Variants in TRIM24 observed in about 807,000 individuals in gnomAD.
The protein encoded by TRIM24 is transcription intermediary factor 1-alpha.
In TRIM24, 29 loss-of-function variants were observed where a neutral mutation model predicts 123.9. The observed-to-expected ratio is 0.23, with a 90% confidence interval of 0.17 to 0.32. The LOEUF is 0.32. Ranked by LOEUF, TRIM24 falls within the 10% of genes least tolerant of loss-of-function variation. TRIM24 has a pLI of 1.00. For synonymous variants in TRIM24, 456 were observed against 461.1 expected (o/e 0.99, Z 0.14); for missense variants, 932 against 1,295.3 (o/e 0.72, Z 4.31).
At chr7:138,515,455 G>T in intron 3 of TRIM24, 96 bp downstream of exon 3, 5 of 1,379,262 alleles carry the variant, frequency 3.6e-6, no homozygotes, top group Non-Finnish European at 4.9e-6. Context: ...GTTTTGATAA[G>T]TATTAAATAT....
intron 7 of TRIM24, among the ~76,000 whole-genome samples, chr7:138,542,916 T>C (rs1797032043): frequency 6.6e-6 from 1 of 152,220 alleles, no homozygotes; most frequent in Non-Finnish European, 1.5e-5. Flanking sequence ...GTCTTATTTT[T>C]TCATTAGTTT....
Position 138,525,354 on chromosome 7 carries a change from A to G in TRIM24, c.878A>G (p.Asn293Ser), listed in dbSNP as rs1348558766. The G allele has an allele frequency of 2.0e-6, 3 of 1,468,756 alleles. No individual in the cohort carries two copies. The highest frequency in any genetic ancestry group is 2.7e-6 in the Non-Finnish European group (3 of 1,098,930). 91.0% of individuals were successfully genotyped at this position (1,468,756 alleles called of 1,614,324 possible). Residue 293 changes from asparagine to serine, a missense_variant, in exon 5 of 19, where the codon AAC (asparagine) becomes AGC (serine). Transcript: ENST00000343526. ...AAATTCACAGGAAATCAGATCCAAA[A>G]CAGGTAATTTTATGGTATTATGTAA... is the stretch of plus-strand genomic sequence containing the variant. ...YIKFTGNQIQNRIIEVNQNQK... is the reference protein window; with the variant it reads ...YIKFTGNQIQSRIIEVNQNQK...
At chr7:138,571,037 TG>T (rs1797644730) in intron 11 of TRIM24, 34 bp downstream of exon 11, 1 of 1,608,208 alleles carries the variant, frequency 6.2e-7, no homozygotes, top group East Asian at 2.2e-5. Flanking sequence ...TAGCCTCTGT[TG>T]AAAACTGTTG....
chr7:138,465,799 T>G (rs1391600785), intron 1 of TRIM24, among the ~76,000 whole-genome samples: 1 of 152,220 alleles, frequency 6.6e-6, no homozygotes, highest in Admixed American at 6.5e-5. Context: ...TTGGAGCTAT[T>G]ATGAATAAAA....
At chr7:138,517,676 G>C (rs1796429216) in intron 3 of TRIM24, among the ~76,000 whole-genome samples, 1 of 152,084 alleles carries the variant, frequency 6.6e-6, no homozygotes, top group South Asian at 2.1e-4. Context: ...GCCTGGTATA[G>C]GCCAGCATAC....
At chr7:138,504,162 A>T in intron 1 of TRIM24, 128 bp from the exon 2 acceptor site, 1 of 495,748 alleles carries the variant, frequency 2.0e-6, no homozygotes, top group South Asian at 5.4e-5. Context: ...AATTGTTTTT[A>T]AGTGACAGCA....
At chr7:138,530,832 T>C (rs1796716820) in intron 6 of TRIM24, among the ~76,000 whole-genome samples, 1 of 152,114 alleles carries the variant, frequency 6.6e-6, no homozygotes, top group Non-Finnish European at 1.5e-5. Context: ...AGTGGTGTTT[T>C]CACTGCAGCC....
At chr7:138,463,988 A>ATTTTTTTTTTTTTTTTTTTT (rs1359459460) in intron 1 of TRIM24, among the ~76,000 whole-genome samples, 1 of 32,112 alleles carries the variant, frequency 3.1e-5, no homozygotes, top group Non-Finnish European at 6.9e-5. Flanking sequence ...AAAAATTTAG[A>ATTTTTTTTTTTTTTTTTTTT]CTTTTTTTTT....
chr7:138,542,882 T>G (rs543104215), intron 7 of TRIM24, among the ~76,000 whole-genome samples: 1 of 152,238 alleles, frequency 6.6e-6, no homozygotes, highest in African/African-American at 2.4e-5. Context: ...TTCATAATTA[T>G]CAGTGCTATA....
In TRIM24 at chr7:138,555,048, A is replaced by T. The variant is rs1584736198; in HGVS notation, c.1530+82A>T. On this transcript the variant is annotated intron_variant, in intron 9 of 18. Coordinates refer to ENST00000343526, the MANE Select transcript of TRIM24 (RefSeq NM_015905.3). The stretch of plus-strand genomic sequence containing the variant: ...GCAGCTCAAAATAACAAAGACATCC[A>T]TTTTCCATACTCTAAATATCTGCAT... The T allele has an allele frequency of 8.0e-6, 11 of 1,380,048 alleles. No individual in the cohort carries two copies. In the East Asian group the frequency reaches 2.5e-4, roughly 32 times the overall value. The allele number at this position is 1,380,048 out of a possible 1,614,324, so 85.5% of individuals were successfully genotyped here.
chr7:138,529,173 A>G lies in TRIM24; in HGVS notation c.939A>G (p.Ile313Met), dbSNP rs1251748223. 1.9e-6 allele frequency: 3 copies of G among 1,581,260 alleles called. No individual in the cohort carries two copies. The highest frequency in any genetic ancestry group is 1.7e-6 in the Non-Finnish European group (2 of 1,167,372). The change falls in exon 6 of 19, where the codon ATA becomes ATG. Residue 313 changes from isoleucine (I) to methionine (M), a missense_variant. By Grantham distance (10) the Ile-to-Met change is conservative. Transcript: ENST00000343526. ...KQVEQDIKVA[I>M]FTLMVEINKK... is the part of the protein sequence containing the mutation. Reference sequence around the variant, plus strand: ...TGGAACAGGATATTAAAGTTGCTATATTTACACTGATGGTAGAAATAAATA... The same window carrying G: ...TGGAACAGGATATTAAAGTTGCTATGTTTACACTGATGGTAGAAATAAATA...
chr7:138,462,002 C>CG (rs1447531929), intron 1 of TRIM24, among the ~76,000 whole-genome samples: 1 of 152,118 alleles, frequency 6.6e-6, no homozygotes, highest in Non-Finnish European at 1.5e-5. Context: ...CGTGGGTCTC[C>CG]GTTTCTTCAC....
chr7:138,586,455 T>A lies in TRIM24; in HGVS notation c.*1504T>A, dbSNP rs1020084041. On this transcript the variant is annotated 3_prime_UTR_variant, in exon 19 of 19. Coordinates refer to ENST00000343526, the MANE Select transcript of TRIM24 (RefSeq NM_015905.3). ...AATATCCTGTGGCTAATTCATTGGG[T>A]TTTCAGGTACTGCTAAAGATAAAAT... The A allele has an allele frequency of 1.3e-5, 2 of 152,824 alleles. No individual in the cohort carries two copies. The highest frequency in any genetic ancestry group is 4.8e-5 in the African/African-American group (2 of 41,272). The allele number at this position is 152,824 out of a possible 1,614,324, so 9.5% of individuals were successfully genotyped here.
At chr7:138,540,046 C>T (rs1311101763) in intron 7 of TRIM24, among the ~76,000 whole-genome samples, 2 of 152,140 alleles carry the variant, frequency 1.3e-5, no homozygotes, top group Admixed American at 6.5e-5. Context: ...GTGATCCACC[C>T]GCCTTCGCCT....
At chr7:138,516,623 G>A (rs1584713381) in intron 3 of TRIM24, among the ~76,000 whole-genome samples, 1 of 152,176 alleles carries the variant, frequency 6.6e-6, no homozygotes, top group African/African-American at 2.4e-5. Flanking sequence ...CCAAACTGCT[G>A]GGATTACAAG....
At chr7:138,584,034 C>A (rs751695232) in intron 18 of TRIM24, 35 bp downstream of exon 18, 1 of 1,569,128 alleles carries the variant, frequency 6.4e-7, no homozygotes, top group East Asian at 2.3e-5. Flanking sequence ...CAGGAAGGAA[C>A]AGCAGTGTGA....
At chr7:138,474,719 C>T (rs902003072) in intron 1 of TRIM24, among the ~76,000 whole-genome samples, 1 of 152,130 alleles carries the variant, frequency 6.6e-6, no homozygotes, top group Non-Finnish European at 1.5e-5. Context: ...GTCCTTTCTC[C>T]ACTGCATTGT....
intron 10 of TRIM24, among the ~76,000 whole-genome samples, chr7:138,570,101 C>G (rs976111096): frequency 6.6e-6 from 1 of 152,058 alleles, no homozygotes; most frequent in African/African-American, 2.4e-5. Flanking sequence ...GTGCCCACCA[C>G]CACGCCCGGT....
At chr7:138,486,146 A>C (rs1022874336) in intron 1 of TRIM24, among the ~76,000 whole-genome samples, 11 of 152,176 alleles carry the variant, frequency 7.2e-5, no homozygotes, top group Middle Eastern at 3.2e-3. Context: ...TCTTTTGAAA[A>C]GTGTCTGTTC....
Sources: allele counts gnomAD v4.1 joint callset (sites outside exome capture counted in the v4.1 genomes callset), GRCh38; gene constraint gnomAD v4.1.1; transcripts MANE v1.5; gene names NCBI Gene and HGNC (gene_info 2026-07-23, HGNC 2026-07-21).